SLC4A4: variants seen among roughly 807,000 people sequenced by gnomAD.
The protein encoded by SLC4A4 is solute carrier family 4 member 4.
A neutral mutation model predicts 111.5 loss-of-function variants in SLC4A4; 27 were observed. That is an observed-to-expected ratio of 0.24 (90% CI 0.18 to 0.33). The LOEUF is 0.33. Ranked by LOEUF, SLC4A4 falls within the 10% of genes least tolerant of loss-of-function variation. SLC4A4 has a pLI of 1.00. For missense variants in SLC4A4, 909 were observed against 1,315.5 expected, an observed-to-expected ratio of 0.69 and a Z score of 4.78; for synonymous variants, 443 against 463.4, an observed-to-expected ratio of 0.96 and a Z score of 0.57.
chr4:71,425,497 A>C (rs1235603848), intron 7 of SLC4A4, among the ~76,000 whole-genome samples: 2 of 152,164 alleles, frequency 1.3e-5, no homozygotes, highest in Non-Finnish European at 2.9e-5. Context: ...GACAAGTCTC[A>C]ATCAATTTAT....
chr4:71,092,834 C>T (rs962627000), intron 2 of SLC4A4, among the ~76,000 whole-genome samples: 10 of 152,162 alleles, frequency 6.6e-5, no homozygotes, highest in Admixed American at 4.6e-4. Flanking sequence ...CAGTGGCTCA[C>T]GCCTGTAATC....
At chr4:71,096,660 T>C (rs1358888253) in intron 2 of SLC4A4, among the ~76,000 whole-genome samples, 2 of 152,200 alleles carry the variant, frequency 1.3e-5, no homozygotes, top group Non-Finnish European at 2.9e-5. Context: ...AGTTCCAATA[T>C]GGCTGACAGG....
At chr4:71,531,282 T>C (rs1214231481) in intron 16 of SLC4A4, among the ~76,000 whole-genome samples, 1 of 152,142 alleles carries the variant, frequency 6.6e-6, no homozygotes, top group Non-Finnish European at 1.5e-5. Flanking sequence ...TTTAATGCTG[T>C]ATTCCTTAAA....
chr4:71,332,621 T>G (rs2148880839), intron 3 of SLC4A4, among the ~76,000 whole-genome samples: 1 of 152,174 alleles, frequency 6.6e-6, no homozygotes, highest in East Asian at 1.9e-4. Flanking sequence ...ATTTTTTGTA[T>G]TTTTAGTAGA....
intron 1 of SLC4A4, among the ~76,000 whole-genome samples, chr4:71,067,436 G>C (rs568028611): frequency 6.6e-6 from 1 of 152,072 alleles, no homozygotes; most frequent in Non-Finnish European, 1.5e-5. Flanking sequence ...TTATTCAAAC[G>C]TATATCTTGA....
intron 14 of SLC4A4, 124 bp from the exon 15 acceptor site, chr4:71,486,824 C>A: frequency 1.7e-6 from 1 of 583,148 alleles, no homozygotes; most frequent in Non-Finnish European, 3.1e-6. Flanking sequence ...ATTCATTGTG[C>A]CCTTATGTTG....
chr4:71,266,034 A>G (rs928432170), intron 3 of SLC4A4, among the ~76,000 whole-genome samples: 21 of 152,212 alleles, frequency 1.4e-4, no homozygotes, highest in African/African-American at 5.1e-4. Context: ...GGTGACCTCA[A>G]GTCTTTGTTC....
chr4:71,332,427 C>G (rs1728075967), intron 3 of SLC4A4, among the ~76,000 whole-genome samples: 1 of 151,514 alleles, frequency 6.6e-6, no homozygotes, highest in Admixed American at 6.6e-5. Flanking sequence ...TCTTTTGTCT[C>G]CTCTGACTGT....
chr4:71,560,343 G>A, intron 23 of SLC4A4, 89 bp downstream of exon 23: 1 of 1,403,106 alleles, frequency 7.1e-7, no homozygotes, highest in Non-Finnish European at 9.8e-7. Flanking sequence ...GAAATGGAGG[G>A]CTGAGTTCTA....
Position 71,453,688 on chromosome 4 carries a change from A to C in SLC4A4, c.1497+19A>C, listed in dbSNP as rs369658213. 1.0e-4 allele frequency: 164 copies of C among 1,613,332 alleles called. 1 individual carries two copies. The highest frequency in any genetic ancestry group is 1.2e-4 in the Non-Finnish European group (139 of 1,179,552). ...CATGCAGGTGGGTATGGTTTTGAGG[A>C]GGACACAAATAGTACAGCCCAGATT... On this transcript the variant is annotated intron_variant, in intron 12 of 25. Coordinates refer to ENST00000264485, the MANE Select transcript of SLC4A4 (RefSeq NM_001098484.3).
intron 24 of SLC4A4, among the ~76,000 whole-genome samples, chr4:71,565,033 T>C (rs1042587255): frequency 6.7e-6 from 1 of 150,182 alleles, no homozygotes; most frequent in African/African-American, 2.4e-5. Flanking sequence ...CAGGAAGAAA[T>C]GAAAGGATGA....
chr4:71,465,789 T>C (rs1421063746), intron 12 of SLC4A4, among the ~76,000 whole-genome samples: 2 of 152,062 alleles, frequency 1.3e-5, no homozygotes, highest in Non-Finnish European at 2.9e-5. Context: ...AAAAGACTAC[T>C]TATTTATGTT....
intron 1 of SLC4A4, among the ~76,000 whole-genome samples, chr4:71,209,560 G>T (rs1296649294): frequency 1.3e-5 from 2 of 152,126 alleles, no homozygotes; most frequent in East Asian, 3.8e-4. Flanking sequence ...AATGCATTTT[G>T]GAGATTTTCA....
At chr4:71,504,872 C>A (rs1387685333) in intron 16 of SLC4A4, among the ~76,000 whole-genome samples, 1 of 151,978 alleles carries the variant, frequency 6.6e-6, no homozygotes, top group Non-Finnish European at 1.5e-5. Context: ...TGATTCTCTC[C>A]CTCTTCCCAC....
intron 3 of SLC4A4, among the ~76,000 whole-genome samples, chr4:71,335,046 A>G (rs1240041001): frequency 1.3e-5 from 2 of 152,136 alleles, no homozygotes. Flanking sequence ...AAAGAAGGGA[A>G]CAGACACAGG....
chr4:71,231,715 G>A (rs1719436966), intron 1 of SLC4A4, among the ~76,000 whole-genome samples: 1 of 152,158 alleles, frequency 6.6e-6, no homozygotes, highest in African/African-American at 2.4e-5. Context: ...AACCCAGGGA[G>A]CTTTTTAGAA....
intron 3 of SLC4A4, among the ~76,000 whole-genome samples, chr4:71,280,968 T>C (rs1723468290): frequency 6.6e-6 from 1 of 152,202 alleles, no homozygotes. Flanking sequence ...TTTTAGATAA[T>C]GTCTGCTACA....
rs1725668376 is a variant in SLC4A4, at chr4:71,450,554, G to A, written c.1208+11G>A. ...ATCCTCTGACAAAAGGTAAATTATA[G>A]GCAGTTGATAATTTTCAGTAGCTGA... On this transcript the variant is annotated intron_variant, in intron 10 of 25. Transcript: ENST00000264485. The A allele has an allele frequency of 6.2e-7, 1 of 1,611,716 alleles. No homozygotes were observed. The highest frequency in any genetic ancestry group is 2.2e-5 in the East Asian group (1 of 44,710).
chr4:71,392,970 C>A (rs1262304815), intron 6 of SLC4A4, among the ~76,000 whole-genome samples: 1 of 152,064 alleles, frequency 6.6e-6, no homozygotes, highest in Non-Finnish European at 1.5e-5. Flanking sequence ...TCCAGCATCC[C>A]TTTCTGATTA....
Sources: allele counts gnomAD v4.1 joint callset (sites outside exome capture counted in the v4.1 genomes callset), GRCh38; gene constraint gnomAD v4.1.1; transcripts MANE v1.5; gene names NCBI Gene and HGNC (gene_info 2026-07-23, HGNC 2026-07-21).